MYO16: variants seen among roughly 807,000 people sequenced by gnomAD.
MYO16 encodes myosin XVI, also known as unconventional myosin-XVI.
In MYO16, 94 loss-of-function variants were observed where a neutral mutation model predicts 205.3. The ratio of observed to expected loss-of-function variants is 0.46; its 90% CI spans 0.39 to 0.54. The LOEUF is 0.54. MYO16 is among the 20% of genes least tolerant of loss of function. The pLI, the probability that MYO16 is intolerant of heterozygous loss-of-function variation, is 0.00. For synonymous variants in MYO16, 988 were observed against 954.0 expected (o/e 1.04, Z -0.66); for missense variants, 2,315 against 2,387.5 (o/e 0.97, Z 0.63).
intron 33 of MYO16, among the ~76,000 whole-genome samples, chr13:109,177,206 C>A (rs1055640677): frequency 6.6e-6 from 1 of 152,188 alleles, no homozygotes; most frequent in Non-Finnish European, 1.5e-5. Flanking sequence ...TGCATCCTTA[C>A]CTTCTCCAAG....
chr13:108,798,575 A>T (rs4414343), intron 6 of MYO16, among the ~76,000 whole-genome samples: 1 of 151,822 alleles, frequency 6.6e-6, no homozygotes, highest in Non-Finnish European at 1.5e-5. Context: ...TTGAGAATAT[A>T]GTCTTTGAAA....
In MYO16 at chr13:108,821,979, G is replaced by T. The variant is rs143062365; in HGVS notation, c.944-1146G>T. Among the ~76,000 whole-genome samples the T allele has an allele frequency of 4.5e-4, 69 of 152,224 alleles. 1 individual carries two copies. The highest frequency in any genetic ancestry group is 7.2e-4 in the Admixed American group (11 of 15,266). On this transcript the variant is annotated intron_variant, in intron 8 of 34. Coordinates refer to ENST00000457511, the MANE Select transcript of MYO16 (RefSeq NM_001198950.3). The stretch of plus-strand genomic sequence containing the variant: ...CATGCAAAACGCAAAGAGTTATAAT[G>T]CAGTGAAAGGTTTCAACTAAAGCAG...
chr13:108,897,050 A>T (rs1287211901), intron 14 of MYO16, among the ~76,000 whole-genome samples: 1 of 152,182 alleles, frequency 6.6e-6, no homozygotes, highest in Non-Finnish European at 1.5e-5. Flanking sequence ...AAGCACTTAA[A>T]AAAAAGTAGG....
intron 16 of MYO16, among the ~76,000 whole-genome samples, chr13:108,916,505 C>A (rs9521098): frequency 0.31 from 47,585 of 152,134 alleles, 7,986 homozygotes; most frequent in Non-Finnish European, 0.37. Flanking sequence ...GCATGTCTGT[C>A]TTTATTTTGC....
At chr13:109,133,492 A>G (rs9514988) in intron 31 of MYO16, among the ~76,000 whole-genome samples, 48,339 of 152,158 alleles carry the variant, frequency 0.32, 8,260 homozygotes, top group Admixed American at 0.41. Flanking sequence ...ACCAAATGGA[A>G]AATACTTTGT....
intron 1 of MYO16, among the ~76,000 whole-genome samples, chr13:108,623,363 T>A (rs548324448): frequency 6.6e-6 from 1 of 152,310 alleles, no homozygotes; most frequent in South Asian, 2.1e-4. Flanking sequence ...ATTGTTAAAT[T>A]TTGGGAACCT....
intron 27 of MYO16, chr13:109,065,450 TG>T: frequency 2.5e-6 from 1 of 397,692 alleles, no homozygotes; most frequent in Non-Finnish European, 4.8e-6. Context: ...GTTAGTTTAA[TG>T]TGTTGAATAA....
chr13:108,987,593 T>A (rs777002317), intron 20 of MYO16, among the ~76,000 whole-genome samples: 6 of 152,244 alleles, frequency 3.9e-5, no homozygotes, highest in Non-Finnish European at 8.8e-5. Flanking sequence ...CTAGCCTCTA[T>A]GTACGTGCAG....
At chr13:108,674,359 A>T (rs1882114471) in intron 2 of MYO16, among the ~76,000 whole-genome samples, 1 of 152,174 alleles carries the variant, frequency 6.6e-6, no homozygotes, top group Non-Finnish European at 1.5e-5. Flanking sequence ...AAAAAAAATT[A>T]TCTCCTAGTA....
At position 109,159,817 on chromosome 13, in the gene MYO16, G is replaced by A. The variant is rs543437027; in HGVS notation, c.5165-5084G>A. Among the ~76,000 whole-genome samples, 3 of 152,354 alleles carry A rather than the reference G, an allele frequency of 2.0e-5. No homozygotes were observed. The South Asian group carries it at 6.2e-4, about 32-fold the overall frequency. ...GCTGGGAGGCTGACAGGGCCGGGAA[G>A]GCAAGACCGAGGCCAAGGCCTAAGG... On this transcript the variant is annotated intron_variant, in intron 32 of 34. Transcript: ENST00000457511.
At chr13:108,968,825 G>A (rs1883898905) in intron 20 of MYO16, among the ~76,000 whole-genome samples, 1 of 152,180 alleles carries the variant, frequency 6.6e-6, no homozygotes, top group Non-Finnish European at 1.5e-5. Flanking sequence ...GCTTGGAGGA[G>A]CAGAGGCCAT....
the MYO16 span, among the ~76,000 whole-genome samples, chr13:108,531,349 A>G: frequency 6.6e-6 from 1 of 152,226 alleles, no homozygotes; most frequent in East Asian, 1.9e-4. Context: ...AAGCAGAACA[A>G]GGACAGTGTG....
intron 13 of MYO16, among the ~76,000 whole-genome samples, chr13:108,887,511 T>A (rs1879958920): frequency 6.6e-6 from 1 of 152,224 alleles, no homozygotes; most frequent in Admixed American, 6.5e-5. Flanking sequence ...AATTATTTTG[T>A]GGGAATTTTA....
At chr13:108,496,925 C>G in the MYO16 span, among the ~76,000 whole-genome samples, 8 of 152,168 alleles carry the variant, frequency 5.3e-5, no homozygotes, top group Non-Finnish European at 1.0e-4. Flanking sequence ...AAGGCAGAAG[C>G]ACAGGGGAAG....
At chr13:108,791,134 G>C (rs976341522) in intron 5 of MYO16, among the ~76,000 whole-genome samples, 2 of 152,138 alleles carry the variant, frequency 1.3e-5, no homozygotes, top group African/African-American at 2.4e-5. Flanking sequence ...AGTTTTAGCT[G>C]GTTCATAACA....
chr13:108,995,016 A>C (rs1371169995), intron 21 of MYO16, among the ~76,000 whole-genome samples: 1 of 152,244 alleles, frequency 6.6e-6, no homozygotes, highest in East Asian at 1.9e-4. Flanking sequence ...CTCATCTAAA[A>C]GATGAGATAC....
At chr13:109,150,294 C>G (rs115799803) in intron 32 of MYO16, among the ~76,000 whole-genome samples, 7 of 152,286 alleles carry the variant, frequency 4.6e-5, no homozygotes, top group African/African-American at 1.7e-4. Context: ...AAGTGAGAAA[C>G]ATGACTAAAT....
chr13:108,551,630 T>G, the MYO16 span, among the ~76,000 whole-genome samples: 2 of 152,132 alleles, frequency 1.3e-5, no homozygotes, highest in African/African-American at 4.8e-5. Flanking sequence ...CATGATCATA[T>G]TTTTTTGCTC....
rs1307762783 is a variant in MYO16 at position 109,140,293 on chromosome 13, G to A, written c.4081G>A (p.Asp1361Asn). 1 of 1,601,258 alleles carries A rather than the reference G, an allele frequency of 6.2e-7. No individual in the cohort carries two copies. The highest frequency in any genetic ancestry group is 1.7e-5 in the Admixed American group (1 of 59,980). The change falls in exon 32 of 35, where the codon GAC (aspartate) becomes AAC (asparagine). Residue 1361 changes from aspartate to asparagine, a missense_variant. This residue lies in a region of MYO16 where 1,097 missense variants were observed against 1,092.0 expected (regional missense o/e 1.00). Coordinates refer to ENST00000457511, the MANE Select transcript of MYO16 (RefSeq NM_001198950.3). This position sits in a 1 kb window ranked among gnomAD's most constrained non-coding sequence, Gnocchi z 8.0. Reference sequence around the variant, plus strand: ...GGCCCGGCCCAGACCGCACAGCGACGACTACAGCACCATGAAGAAGATTCC... The same window carrying A: ...GGCCCGGCCCAGACCGCACAGCGACAACTACAGCACCATGAAGAAGATTCC... ...ALARPRPHSD[D>N]YSTMKKIPPR...
Sources: allele counts gnomAD v4.1 joint callset (sites outside exome capture counted in the v4.1 genomes callset), GRCh38; gene constraint gnomAD v4.1.1; regional missense constraint gnomAD v4.1.1; non-coding constraint Gnocchi (gnomAD v3.1); transcripts MANE v1.5; gene names NCBI Gene and HGNC (gene_info 2026-07-23, HGNC 2026-07-21).